NIT2: variants seen among roughly 807,000 people sequenced by gnomAD.
The protein encoded by NIT2 is omega-amidase NIT2.
Under a neutral mutation model 42.7 loss-of-function variants are expected in NIT2, and 46 were observed. The ratio of observed to expected loss-of-function variants is 1.08; its 90% CI spans 0.85 to 1.38. The LOEUF (loss-of-function observed/expected upper bound fraction) is 1.38. Among genes scored for constraint, NIT2 ranks in the 40% most tolerant of loss-of-function variants. NIT2 has a pLI of 0.00. For missense variants in NIT2, 309 were observed against 342.5 expected, an observed-to-expected ratio of 0.90 and a Z score of 0.77; for synonymous variants, 123 against 121.9, an observed-to-expected ratio of 1.01 and a Z score of -0.06.
At chr3:100,336,893 GA>G (rs994718783) in intron 1 of NIT2, among the ~76,000 whole-genome samples, 7 of 152,170 alleles carry the variant, frequency 4.6e-5, no homozygotes, top group Non-Finnish European at 1.0e-4. Flanking sequence ...CGGGCTGGGG[GA>G]CGGTCAGGTC....
At position 100,355,605 on chromosome 3, in the gene NIT2, A is replaced by G. The variant is rs1706319030; in HGVS notation, c.*337A>G. The G allele has an allele frequency of 5.1e-6, 1 of 197,340 alleles. No homozygotes were observed. The highest frequency in any genetic ancestry group is 5.7e-5 in the Admixed American group (1 of 17,510). 12.2% of individuals were successfully genotyped at this position (197,340 alleles called of 1,614,324 possible). A position where few individuals can be genotyped will look rare whatever the true frequency, so the allele number is the denominator to read the frequency against. ...AATATATTTGTGTCATGAACCTCTT[A>G]TCCCGTTGCTGGAGTTGTAATCTCC... is the stretch of plus-strand genomic sequence containing the variant. On this transcript the variant is annotated 3_prime_UTR_variant, in exon 10 of 10. Transcript: ENST00000394140.
intron 4 of NIT2, among the ~76,000 whole-genome samples, chr3:100,341,493 C>G (rs551141591): frequency 6.6e-6 from 1 of 151,806 alleles, no homozygotes; most frequent in Non-Finnish European, 1.5e-5. Context: ...CTCAGCCTCC[C>G]GAGTAGCTGG....
chr3:100,361,587 T>A lies in NIT2; in HGVS notation c.*6319T>A, dbSNP rs1410483644. Reference sequence around the variant, plus strand: ...TATAGCTGTCAACTCCTAATATGATTTGTGCACTATCACCTTGAAGTAAAC... The same window carrying A: ...TATAGCTGTCAACTCCTAATATGATATGTGCACTATCACCTTGAAGTAAAC... On this transcript the variant is annotated 3_prime_UTR_variant, in exon 10 of 10. Transcript: ENST00000394140. 1 of 152,180 alleles carries A rather than the reference T, an allele frequency of 6.6e-6. No individual in the cohort carries two copies. Among genetic ancestry groups the A allele is most frequent in the Admixed American group, 6.5e-5 (1 of 15,274 alleles). 9.4% of individuals were successfully genotyped at this position (152,180 alleles called of 1,614,324 possible).
intron 1 of NIT2, among the ~76,000 whole-genome samples, chr3:100,338,600 A>C (rs1484102545): frequency 2.6e-5 from 4 of 152,136 alleles, no homozygotes; most frequent in Non-Finnish European, 2.9e-5. Context: ...AAGGAATCAC[A>C]CTTTCTGTGC....
chr3:100,359,903 C>T lies in NIT2; in HGVS notation c.*4635C>T, dbSNP rs749492080. 7 of 152,188 alleles carry T rather than the reference C, an allele frequency of 4.6e-5. No homozygotes were observed. The highest frequency in any genetic ancestry group is 8.8e-5 in the Non-Finnish European group (6 of 68,044). The allele number at this position is 152,188 out of a possible 1,614,324, so 9.4% of individuals were successfully genotyped here. A position where few individuals can be genotyped will look rare whatever the true frequency, so the allele number is the denominator to read the frequency against. On this transcript the variant is annotated 3_prime_UTR_variant, in exon 10 of 10. Transcript: ENST00000394140. Reference sequence around the variant, plus strand: ...TCCCCACATTCTGGAAGCTCCTTACCTAAATCCTGTTTATTCCTTAATGCT... The same window carrying T: ...TCCCCACATTCTGGAAGCTCCTTACTTAAATCCTGTTTATTCCTTAATGCT...
intron 6 of NIT2, among the ~76,000 whole-genome samples, chr3:100,348,055 T>C (rs1422894579): frequency 2.0e-5 from 3 of 152,160 alleles, no homozygotes; most frequent in African/African-American, 7.2e-5. Flanking sequence ...CACGCCCAGC[T>C]AATTTTTTGT....
intron 1 of NIT2, chr3:100,335,162 C>A: frequency 3.5e-6 from 1 of 282,064 alleles, no homozygotes; most frequent in Non-Finnish European, 7.4e-6. Context: ...CCTCCTCCAG[C>A]CCCGCCCTGC....
At chr3:100,348,995 G>T in intron 7 of NIT2, 114 bp downstream of exon 7, 1 of 813,336 alleles carries the variant, frequency 1.2e-6, no homozygotes. Flanking sequence ...GACTCAGGAT[G>T]CCCTTGTATC....
rs1008372444 is a variant in NIT2 at position 100,356,157 on chromosome 3, A to T, written c.*889A>T. 6.6e-6 allele frequency: 1 copy of T among 152,250 alleles called. No homozygotes were observed. Among genetic ancestry groups the T allele is most frequent in the African/African-American group, 2.4e-5 (1 of 41,452 alleles). The allele number at this position is 152,250 out of a possible 1,614,324, so 9.4% of individuals were successfully genotyped here. A position where few individuals can be genotyped will look rare whatever the true frequency, so the allele number is the denominator to read the frequency against. On this transcript the variant is annotated 3_prime_UTR_variant, in exon 10 of 10. Coordinates refer to ENST00000394140, the MANE Select transcript of NIT2 (RefSeq NM_020202.5). ...TGAGGTAGGAGGATCCCTTGAGTCC[A>T]CAAGTTTGAGTTCAGCCAGAGACCC...
intron 6 of NIT2, among the ~76,000 whole-genome samples, chr3:100,347,568 TCTA>T (rs1228823753): frequency 2.4e-4 from 36 of 152,092 alleles, no homozygotes; most frequent in Non-Finnish European, 2.9e-4. Context: ...TAGCTGGGAC[TCTA>T]GGCATGTGCC....
At chr3:100,341,531 G>T (rs886665740) in intron 4 of NIT2, among the ~76,000 whole-genome samples, 1 of 152,018 alleles carries the variant, frequency 6.6e-6, no homozygotes, top group Non-Finnish European at 1.5e-5. Context: ...ACCATGCCCA[G>T]CTAATTTTTT....
chr3:100,338,953 G>T, intron 1 of NIT2, 134 bp from the exon 2 acceptor site: 1 of 706,872 alleles, frequency 1.4e-6, no homozygotes, highest in South Asian at 1.6e-5. Context: ...ATCAGTTGTG[G>T]CATCAAAGGT....
chr3:100,343,276 A>G (rs1036859538), intron 4 of NIT2, among the ~76,000 whole-genome samples: 1 of 151,902 alleles, frequency 6.6e-6, no homozygotes, highest in Non-Finnish European at 1.5e-5. Flanking sequence ...GTTTTTTGAC[A>G]CTATTTTGTT....
At chr3:100,354,215 T>C (rs1706302380) in intron 8 of NIT2, among the ~76,000 whole-genome samples, 1 of 152,192 alleles carries the variant, frequency 6.6e-6, no homozygotes, top group African/African-American at 2.4e-5. Flanking sequence ...GTTGAACTCT[T>C]TCCCTCAAAT....
chr3:100,346,955 T>A (rs1706224092), intron 6 of NIT2, among the ~76,000 whole-genome samples: 2 of 152,130 alleles, frequency 1.3e-5, no homozygotes, highest in South Asian at 4.1e-4. Flanking sequence ...GGGTCAGTAG[T>A]CTCTGTTGAG....
chr3:100,357,892 T>G lies in NIT2; in HGVS notation c.*2624T>G, dbSNP rs1706338611. The stretch of plus-strand genomic sequence containing the variant: ...CCTGACCTCAAGTGATCCACCTGCC[T>G]TAGCCTCCCAAAATGCTAGGATTAG... On this transcript the variant is annotated 3_prime_UTR_variant, in exon 10 of 10. Transcript: ENST00000394140. 6.6e-6 allele frequency: 1 copy of G among 152,200 alleles called. No homozygotes were observed. The highest frequency in any genetic ancestry group is 2.4e-5 in the African/African-American group (1 of 41,442). 9.4% of individuals were successfully genotyped at this position (152,200 alleles called of 1,614,324 possible). A position where few individuals can be genotyped will look rare whatever the true frequency, so the allele number is the denominator to read the frequency against.
chr3:100,349,156 C>T (rs906576808), intron 7 of NIT2: 163 of 297,026 alleles, frequency 5.5e-4, no homozygotes, highest in Non-Finnish European at 8.4e-4. Context: ...TACCATTGCC[C>T]AGGCTGGAGT....
intron 8 of NIT2, among the ~76,000 whole-genome samples, 162 bp from the exon 9 acceptor site, chr3:100,354,610 A>C (rs1706306279): frequency 6.6e-6 from 1 of 152,260 alleles, no homozygotes; most frequent in Admixed American, 6.5e-5. Context: ...CCATAAGGTC[A>C]CAGAGCTATT....
rs1417190756 is a variant in NIT2, at chr3:100,359,408, G to T, written c.*4140G>T. 6.6e-6 allele frequency: 1 copy of T among 152,152 alleles called. No individual in the cohort carries two copies. Among genetic ancestry groups the T allele is most frequent in the South Asian group, 2.1e-4 (1 of 4,830 alleles). 9.4% of individuals were successfully genotyped at this position (152,152 alleles called of 1,614,324 possible). On this transcript the variant is annotated 3_prime_UTR_variant, in exon 10 of 10. Coordinates refer to ENST00000394140, the MANE Select transcript of NIT2 (RefSeq NM_020202.5). ...GTTTCTCCCTCAGAACAAAGAGCAC[G>T]CCATCCTGTAAAGTACTCTTCCTGA...
Sources: allele counts gnomAD v4.1 joint callset (sites outside exome capture counted in the v4.1 genomes callset), GRCh38; gene constraint gnomAD v4.1.1; transcripts MANE v1.5; gene names NCBI Gene and HGNC (gene_info 2026-07-23, HGNC 2026-07-21).